The following CTSZ variants were observed in gnomAD, a reference collection of about 807,000 sequenced individuals.
CTSZ encodes the protein carboxypeptidase LB.
CTSZ carries 39 observed loss-of-function variants against 32.4 expected under a neutral mutation model. That is an observed-to-expected ratio of 1.20 (90% CI 0.93 to 1.57). The LOEUF is 1.57. Among genes scored for constraint, CTSZ ranks in the 40% most tolerant of loss-of-function variants. CTSZ has a pLI of 0.00. For synonymous variants in CTSZ, 168 were observed against 170.1 expected (o/e 0.99, Z 0.10); for missense variants, 397 against 419.6 (o/e 0.95, Z 0.47).
At chr20:59,000,923 G>A (rs923155009) in intron 3 of CTSZ, among the ~76,000 whole-genome samples, 3 of 149,198 alleles carry the variant, frequency 2.0e-5, no homozygotes, top group South Asian at 2.2e-4. Context: ...TCTGCCTCCC[G>A]GGTCAAGCAA....
chr20:58,999,742 G>A (rs906327549), intron 3 of CTSZ, among the ~76,000 whole-genome samples: 1 of 152,214 alleles, frequency 6.6e-6, no homozygotes, highest in African/African-American at 2.4e-5. Flanking sequence ...TCTCTGCTCT[G>A]GCTGTGAGGG....
chr20:58,996,963 C>G (rs1022658889), intron 4 of CTSZ, among the ~76,000 whole-genome samples, 162 bp from the exon 5 acceptor site: 1 of 152,014 alleles, frequency 6.6e-6, no homozygotes, highest in African/African-American at 2.4e-5. Flanking sequence ...TCAAGACCAG[C>G]CTGGGCAAGA....
At position 59,004,881 on chromosome 20, in the gene CTSZ, C is replaced by G. The variant is rs1456422909; in HGVS notation, c.307+1441G>C. On this transcript the variant is annotated intron_variant, in intron 2 of 5. Transcript: ENST00000217131. The surrounding 1 kb of genome is among the most constrained non-coding windows in gnomAD (Gnocchi z 5.6). ...TGGGGAAATGCGGCAGGGCTGACCCCTGGCCAGGGTCCCACATCCATCTGA... is the reference window on the plus strand; with the variant it reads ...TGGGGAAATGCGGCAGGGCTGACCCGTGGCCAGGGTCCCACATCCATCTGA... Among the ~76,000 whole-genome samples the G allele has an allele frequency of 6.6e-6, 1 of 152,024 alleles. No individual in the cohort carries two copies. The highest frequency in any genetic ancestry group is 2.4e-5 in the African/African-American group (1 of 41,364).
chr20:59,006,469 G>T lies in CTSZ; in HGVS notation c.160C>A (p.His54Asn). Residue 54 changes from histidine to asparagine, a missense_variant, in exon 2 of 6, where the codon CAT becomes AAT. His to Asn is a moderately conservative substitution (Grantham distance 68, BLOSUM62 1). Coordinates refer to ENST00000217131, the MANE Select transcript of CTSZ (RefSeq NM_001336.4). ...PLGRSTYPRP[H>N]EYLSPADLPK... ...AGATCCGCTGGGGACAGGTACTCAT[G>T]AGGCCGGGGGTATGTGCTGAGAAGA... 6.2e-7 allele frequency: 1 copy of T among 1,613,232 alleles called. No homozygotes were observed.
intron 2 of CTSZ, among the ~76,000 whole-genome samples, chr20:59,003,217 C>A (rs1327522694): frequency 1.3e-5 from 2 of 152,210 alleles, no homozygotes; most frequent in African/African-American, 4.8e-5. Flanking sequence ...TATGCCCAAC[C>A]CAACCCGGCG....
In CTSZ at chr20:58,997,637, TCTTCTCCCTCCCAGAGAG is replaced by T. The variant is rs1369664561; in HGVS notation, c.586_603del (p.Leu196_Lys201del). The stretch of plus-strand genomic sequence containing the variant: ...CCATTTGCATAGATTTCTGCCATCA[TCTTCTCCCTCCCAGAGAG>T]GGAGCCGTAGTCTCCCACCCTCCAG... On this transcript the variant is annotated inframe_deletion, in exon 4 of 6. Transcript: ENST00000217131. The T allele has an allele frequency of 6.2e-7, 1 of 1,604,852 alleles. No individual in the cohort carries two copies.
In CTSZ at chr20:59,006,372, G is replaced by A. The variant is rs1318806967; in HGVS notation, c.257C>T (p.Pro86Leu). ...YASITRNQHIPQYCGSCWAHA... is the reference protein window; with the variant it reads ...YASITRNQHILQYCGSCWAHA... ...GGCCCAGCAGGAGCCGCAGTATTGG[G>A]GGATGTGCTGGTTCCGGGTGATGCT... The change falls in exon 2 of 6, where the codon CCC becomes CTC. Residue 86 changes from proline (P) to leucine (L), a missense_variant. By Grantham distance (98) the Pro-to-Leu change is moderately conservative. Transcript: ENST00000217131. 12 of 1,613,770 alleles carry A rather than the reference G, an allele frequency of 7.4e-6. No individual in the cohort carries two copies. The highest frequency in any genetic ancestry group is 1.0e-5 in the Non-Finnish European group (12 of 1,180,012).
intron 2 of CTSZ, among the ~76,000 whole-genome samples, chr20:59,003,317 C>T (rs1436630751): frequency 6.6e-6 from 1 of 152,218 alleles, no homozygotes; most frequent in African/African-American, 2.4e-5. Context: ...GCATCTGGAC[C>T]CGGCCTAACC....
At position 59,006,248 on chromosome 20, in the gene CTSZ, C is replaced by A. The variant is rs1601228830; in HGVS notation, c.307+74G>T. 6 of 1,487,950 alleles carry A rather than the reference C, an allele frequency of 4.0e-6. No homozygotes were observed. In the East Asian group the frequency reaches 1.2e-4, roughly 31 times the overall value. The allele number at this position is 1,487,950 out of a possible 1,614,324, so 92.2% of individuals were successfully genotyped here. The stretch of plus-strand genomic sequence containing the variant: ...AATCACAGGCCCCTGGAACCGCGGG[C>A]TGAGCTGCCTGGGCCTATAAACAGG... On this transcript the variant is annotated intron_variant, in intron 2 of 5. Coordinates refer to ENST00000217131, the MANE Select transcript of CTSZ (RefSeq NM_001336.4).
In CTSZ at chr20:59,004,965, C is replaced by G. The variant is rs945424420; in HGVS notation, c.307+1357G>C. On this transcript the variant is annotated intron_variant, in intron 2 of 5. Coordinates refer to ENST00000217131, the MANE Select transcript of CTSZ (RefSeq NM_001336.4). The surrounding 1 kb of genome is among the most constrained non-coding windows in gnomAD (Gnocchi z 5.6). ...GACGCACATCTTGTCACCTGACTCC[C>G]TCTCAAAGAGTTCAAGGCTTCCCAC... 6.6e-6 allele frequency among the ~76,000 whole-genome samples: 1 copy of G among 152,150 alleles called. No homozygotes were observed. The highest frequency in any genetic ancestry group is 2.4e-5 in the African/African-American group (1 of 41,418).
intron 3 of CTSZ, 82 bp from the exon 4 acceptor site, chr20:58,997,835 ACTCTCATCATGCAGCCTACCACTCAG>A: frequency 7.7e-7 from 1 of 1,298,580 alleles, no homozygotes; most frequent in Admixed American, 2.3e-5. Context: ...CCCACTCTCC[ACTCTCATCATGCAGCCTACCACTCAG>A]CAGCTAAGAA....
intron 3 of CTSZ, among the ~76,000 whole-genome samples, chr20:58,999,896 C>T (rs1341878236): frequency 6.6e-6 from 1 of 152,104 alleles, no homozygotes; most frequent in Admixed American, 6.5e-5. Context: ...AGTGAAATCC[C>T]GCCTCTACTA....
intron 3 of CTSZ, among the ~76,000 whole-genome samples, chr20:59,000,192 A>ACATGGAGAAACCC (rs1185694614): frequency 6.6e-6 from 1 of 152,072 alleles, no homozygotes; most frequent in African/African-American, 2.4e-5. Context: ...AGCCTGAACA[A>ACATGGAGAAACCC]CATGGAGAAA....
chr20:58,997,209 C>G (rs943584434), intron 4 of CTSZ, among the ~76,000 whole-genome samples: 1 of 151,318 alleles, frequency 6.6e-6, no homozygotes. Flanking sequence ...AAAGTGTAAA[C>G]CCGACTCAGG....
Position 58,996,757 on chromosome 20 carries a change from C to T in CTSZ, c.683G>A (p.Gly228Asp). Residue 228 changes from glycine to aspartate, a missense_variant, in exon 5 of 6, where the codon GGC becomes GAC. By Grantham distance (94) the Gly-to-Asp change is moderately conservative. Transcript: ENST00000217131. ...ATERLANYTG[G>D]IYAEYQDTTY... ...GGTGTCCTGGTATTCGGCATAGATG[C>T]CTCCGGTGTAGTTAGCCAGTCTTTC... 6.2e-7 allele frequency: 1 copy of T among 1,614,182 alleles called. No individual in the cohort carries two copies. The highest frequency in any genetic ancestry group is 8.5e-7 in the Non-Finnish European group (1 of 1,180,042).
chr20:58,998,710 TA>T (rs1317420998), intron 3 of CTSZ, among the ~76,000 whole-genome samples: 1 of 152,104 alleles, frequency 6.6e-6, no homozygotes, highest in Non-Finnish European at 1.5e-5. Context: ...AAAAATTTTA[TA>T]AATTAATTTA....
In CTSZ at chr20:59,007,244, C is replaced by T; in HGVS notation, c.-116G>A. The T allele has an allele frequency of 8.3e-7, 1 of 1,206,740 alleles. No individual in the cohort carries two copies. Among genetic ancestry groups the T allele is most frequent in the Middle Eastern group, 3.2e-4 (1 of 3,098 alleles). The allele number at this position is 1,206,740 out of a possible 1,614,324, so 74.8% of individuals were successfully genotyped here. A position where few individuals can be genotyped will look rare whatever the true frequency, so the allele number is the denominator to read the frequency against. ...CGGCCTCGGCCCAGCACCCGGCCGACCCCGCACTTTGGGCCCCTGCCCCGC... is the reference window on the plus strand; with the variant it reads ...CGGCCTCGGCCCAGCACCCGGCCGATCCCGCACTTTGGGCCCCTGCCCCGC... On this transcript the variant is annotated 5_prime_UTR_variant, in exon 1 of 6. Coordinates refer to ENST00000217131, the MANE Select transcript of CTSZ (RefSeq NM_001336.4).
chr20:59,004,409 T>C lies in CTSZ; in HGVS notation c.307+1913A>G, dbSNP rs2091901133. Among the ~76,000 whole-genome samples the C allele has an allele frequency of 6.6e-6, 1 of 151,488 alleles. No individual in the cohort carries two copies. Among genetic ancestry groups the C allele is most frequent in the African/African-American group, 2.4e-5 (1 of 41,174 alleles). On this transcript the variant is annotated intron_variant, in intron 2 of 5. Coordinates refer to ENST00000217131, the MANE Select transcript of CTSZ (RefSeq NM_001336.4). This position sits in a 1 kb window ranked among gnomAD's most constrained non-coding sequence, Gnocchi z 5.6. Reference sequence around the variant, plus strand: ...AAGGAAGCATCCTGGGGAGACGTGATCAGGAGAATGCTTCACGGTGGGCCC... The same window carrying C: ...AAGGAAGCATCCTGGGGAGACGTGACCAGGAGAATGCTTCACGGTGGGCCC...
intron 4 of CTSZ, among the ~76,000 whole-genome samples, chr20:58,997,186 C>T (rs1207199037): frequency 2.1e-5 from 3 of 142,792 alleles, no homozygotes; most frequent in Non-Finnish European, 1.5e-5. Context: ...AAAAAAAAAT[C>T]TGGTATGACA....
Sources: allele counts gnomAD v4.1 joint callset (sites outside exome capture counted in the v4.1 genomes callset), GRCh38; gene constraint gnomAD v4.1.1; non-coding constraint Gnocchi (gnomAD v3.1); transcripts MANE v1.5; gene names NCBI Gene and HGNC (gene_info 2026-07-23, HGNC 2026-07-21).